Variants in CDHR3 observed in about 807,000 individuals in gnomAD.
The protein encoded by CDHR3 is cadherin related family member 3, also known as cadherin-related family member 3.
In CDHR3, 79 loss-of-function variants were observed where a neutral mutation model predicts 86.6. That is an observed-to-expected ratio of 0.91 (90% CI 0.76 to 1.10). The LOEUF is 1.10. Among genes scored for constraint, CDHR3 ranks in the 50% least tolerant of loss-of-function variants. The pLI, the probability that CDHR3 is intolerant of heterozygous loss-of-function variation, is 0.00. For missense variants in CDHR3, 1,081 were observed against 1,077.6 expected, an observed-to-expected ratio of 1.00 and a Z score of -0.04; for synonymous variants, 421 against 402.4, an observed-to-expected ratio of 1.05 and a Z score of -0.55.
intron 15 of CDHR3, among the ~76,000 whole-genome samples, chr7:106,025,924 A>G (rs1837285173): frequency 1.3e-5 from 2 of 152,192 alleles, no homozygotes; most frequent in Non-Finnish European, 1.5e-5. Flanking sequence ...ATGGTGGTGT[A>G]CTGTACTGGG....
At chr7:106,028,691 G>A in intron 17 of CDHR3, 109 bp downstream of exon 17, 1 of 1,200,430 alleles carries the variant, frequency 8.3e-7, no homozygotes, top group South Asian at 1.4e-5. Flanking sequence ...TATCATTCAG[G>A]GAGGTGCTTG....
intron 10 of CDHR3, among the ~76,000 whole-genome samples, chr7:106,015,629 C>T (rs1338318318): frequency 1.3e-5 from 2 of 152,146 alleles, no homozygotes; most frequent in Non-Finnish European, 2.9e-5. Flanking sequence ...TTTGCATATG[C>T]CTACAACACC....
intron 11 of CDHR3, among the ~76,000 whole-genome samples, chr7:106,017,632 C>T (rs1340247823): frequency 6.6e-6 from 1 of 151,528 alleles, no homozygotes; most frequent in Admixed American, 6.6e-5. Flanking sequence ...GTCTATTACA[C>T]CTCACAGGAC....
intron 1 of CDHR3, among the ~76,000 whole-genome samples, chr7:105,973,455 T>C (rs1207113162): frequency 6.6e-6 from 1 of 152,152 alleles, no homozygotes; most frequent in Non-Finnish European, 1.5e-5. Context: ...TCTGAGGGAA[T>C]ATCTGCTCCA....
chr7:105,966,372 C>T (rs1295926757), intron 1 of CDHR3, among the ~76,000 whole-genome samples: 2 of 152,188 alleles, frequency 1.3e-5, no homozygotes, highest in African/African-American at 4.8e-5. Flanking sequence ...GTACCAAACC[C>T]ATCCAACTGA....
intron 5 of CDHR3, 150 bp downstream of exon 5, chr7:105,994,995 C>G: frequency 1.6e-6 from 1 of 644,296 alleles, no homozygotes; most frequent in Admixed American, 2.7e-5. Flanking sequence ...GTAGTGAACC[C>G]CAGAGAGGGA....
At chr7:106,031,445 C>T (rs17152486) in intron 18 of CDHR3, among the ~76,000 whole-genome samples, 2,302 of 152,232 alleles carry the variant, frequency 0.015, 25 homozygotes, top group African/African-American at 0.022. Flanking sequence ...CAATTATAGA[C>T]GTGAATAAAG....
intron 1 of CDHR3, among the ~76,000 whole-genome samples, chr7:105,967,942 A>G (rs1827243449): frequency 6.6e-6 from 1 of 152,244 alleles, no homozygotes; most frequent in South Asian, 2.1e-4. Flanking sequence ...TTTGCTGTGC[A>G]GAAGCTCTTT....
chr7:106,003,989 CAAAAAAAAAAAAA>C (rs55815648), intron 7 of CDHR3, among the ~76,000 whole-genome samples: 1 of 79,950 alleles, frequency 1.3e-5, no homozygotes, highest in Non-Finnish European at 2.3e-5. Flanking sequence ...CCAACCTAAC[CAAAAAAAAAAAAA>C]AAAAAAAAAG....
intron 4 of CDHR3, among the ~76,000 whole-genome samples, chr7:105,987,522 G>C (rs951561779): frequency 6.6e-6 from 1 of 152,122 alleles, no homozygotes. Flanking sequence ...AAATGACATC[G>C]TTAGGTTCGT....
rs757444937 is a variant in CDHR3, at chr7:106,016,025, GGTAA to G, written c.1426+5_1426+8del. On this transcript the variant is annotated splice_donor_variant and splice_donor_region_variant and intron_variant, in intron 11 of 18. Coordinates refer to ENST00000317716, the MANE Select transcript of CDHR3 (RefSeq NM_152750.5). LOFTEE classifies it high-confidence loss of function. Reference sequence around the variant, plus strand: ...ATTTGATGTGTCAGAAAGAAGGCCCGGTAAGTAACAGATAAGACACAGACCAGAG... The same window carrying G: ...ATTTGATGTGTCAGAAAGAAGGCCCGGTAACAGATAAGACACAGACCAGAG... 6.9e-6 allele frequency: 11 copies of G among 1,596,176 alleles called. No individual in the cohort carries two copies. The highest frequency in any genetic ancestry group is 7.7e-6 in the Non-Finnish European group (9 of 1,167,022).
At chr7:105,964,788 T>TG in intron 1 of CDHR3, among the ~76,000 whole-genome samples, 1 of 152,328 alleles carries the variant, frequency 6.6e-6, no homozygotes, top group East Asian at 1.9e-4. Flanking sequence ...AATAAATAAC[T>TG]GGGTTTCCTA....
intron 4 of CDHR3, 101 bp downstream of exon 4, chr7:105,984,390 G>A: frequency 1.3e-6 from 1 of 755,290 alleles, no homozygotes; most frequent in Non-Finnish European, 2.1e-6. Flanking sequence ...GGCAGTGGCA[G>A]TCAGGGGAAT....
chr7:106,022,078 C>G lies in CDHR3; in HGVS notation c.1826-120C>G. ...ATCCAGCTCTGGTGTATCAGAGACA[C>G]AGTCTACACTTGAGGTGTGGACATT... On this transcript the variant is annotated intron_variant, in intron 13 of 18. Transcript: ENST00000317716. The G allele has an allele frequency of 2.5e-6, 3 of 1,200,126 alleles. No individual in the cohort carries two copies. In the South Asian group the frequency reaches 4.4e-5, roughly 18 times the overall value. 74.3% of individuals were successfully genotyped at this position (1,200,126 alleles called of 1,614,324 possible). A position where few individuals can be genotyped will look rare whatever the true frequency, so the allele number is the denominator to read the frequency against.
Position 106,004,587 on chromosome 7 carries a change from A to C in CDHR3, c.952A>C (p.Lys318Gln). The change falls in exon 8 of 19, where the codon AAG becomes CAG. Residue 318 changes from lysine to glutamine, a missense_variant. Physicochemically the swap from Lys to Gln is moderately conservative, Grantham distance 53 (BLOSUM62 1). Transcript: ENST00000317716. Reference protein sequence around the residue: ...NPTISLEVLVKDRPYGGQENR... With the variant: ...NPTISLEVLVQDRPYGGQENR... Reference sequence around the variant, plus strand: ...CACCATTTCCCTGGAAGTTCTAGTGAAGGACAGACCATATGGGGGTCAGGA... The same window carrying C: ...CACCATTTCCCTGGAAGTTCTAGTGCAGGACAGACCATATGGGGGTCAGGA... The C allele has an allele frequency of 6.2e-7, 1 of 1,614,034 alleles. No homozygotes were observed. Among genetic ancestry groups the C allele is most frequent in the Non-Finnish European group, 8.5e-7 (1 of 1,179,892 alleles).
At chr7:105,981,237 C>A in intron 3 of CDHR3, 104 bp downstream of exon 3, 2 of 1,143,998 alleles carry the variant, frequency 1.7e-6, no homozygotes, top group East Asian at 2.6e-5. Context: ...CAGCTGTTTC[C>A]CTGGAAAAGG....
intron 6 of CDHR3, among the ~76,000 whole-genome samples, chr7:105,999,091 T>C (rs1250054706): frequency 1.3e-5 from 2 of 152,216 alleles, no homozygotes; most frequent in Admixed American, 6.5e-5. Flanking sequence ...GGTCAGGTGT[T>C]ACGGGGAAGA....
chr7:106,010,275 A>G (rs1834598113), intron 8 of CDHR3, among the ~76,000 whole-genome samples: 1 of 152,176 alleles, frequency 6.6e-6, no homozygotes, highest in Non-Finnish European at 1.5e-5. Flanking sequence ...TTTCCTGGAC[A>G]GGCCTTGAAA....
intron 1 of CDHR3, among the ~76,000 whole-genome samples, chr7:105,974,101 G>T (rs41262): frequency 0.13 from 19,083 of 152,262 alleles, 1,503 homozygotes; most frequent in Middle Eastern, 0.23. Flanking sequence ...GCAAAGTCTT[G>T]TAGTGTTGTG....
Sources: allele counts gnomAD v4.1 joint callset (sites outside exome capture counted in the v4.1 genomes callset), GRCh38; gene constraint gnomAD v4.1.1; transcripts MANE v1.5; gene names NCBI Gene and HGNC (gene_info 2026-07-23, HGNC 2026-07-21).